KSR1: variants seen among roughly 807,000 people sequenced by gnomAD.
KSR1 encodes kinase suppressor of ras 1, also known as kinase suppressor of ras.
In KSR1, 35 loss-of-function variants were observed where a neutral mutation model predicts 92.9. That is an observed-to-expected ratio of 0.38 (90% CI 0.29 to 0.50). The LOEUF is 0.50. Ranked by LOEUF, KSR1 falls within the 20% of genes least tolerant of loss-of-function variation. KSR1 has a pLI of 0.94. For synonymous variants in KSR1, 467 were observed against 472.6 expected, an observed-to-expected ratio of 0.99 and a Z score of 0.15; for missense variants, 972 against 1,158.5, an observed-to-expected ratio of 0.84 and a Z score of 2.34.
At chr17:27,596,862 G>A (rs908458943) in intron 9 of KSR1, among the ~76,000 whole-genome samples, 5 of 152,166 alleles carry the variant, frequency 3.3e-5, no homozygotes, top group Non-Finnish European at 7.3e-5. Context: ...AGTATGTGAC[G>A]GTCACCCTGG....
intron 1 of KSR1, among the ~76,000 whole-genome samples, chr17:27,471,222 TTTTAGGCACTGA>T: frequency 6.6e-6 from 1 of 152,108 alleles, no homozygotes; most frequent in Non-Finnish European, 1.5e-5. Flanking sequence ...TTAGGCACTG[TTTTAGGCACTGA>T]GGAAGGAGCA....
In KSR1 at chr17:27,460,376, C is replaced by G. The variant is rs2019376105; in HGVS notation, c.231+3502C>G. Among the ~76,000 whole-genome samples the G allele has an allele frequency of 2.0e-5, 3 of 152,314 alleles. No individual in the cohort carries two copies. In the South Asian group the frequency reaches 6.2e-4, roughly 32 times the overall value. On this transcript the variant is annotated intron_variant, in intron 1 of 20. Transcript: ENST00000644974. The stretch of plus-strand genomic sequence containing the variant: ...TTTCCTGCCAGCCTACTAGTACTTT[C>G]CAGAGACAGGCTCTGCCATGCTGAG...
intron 5 of KSR1, among the ~76,000 whole-genome samples, chr17:27,586,692 A>AG: frequency 6.6e-6 from 1 of 152,334 alleles, no homozygotes; most frequent in Middle Eastern, 3.4e-3. Context: ...TTAGGCCTTC[A>AG]GGGCCAGTGT....
At chr17:27,579,452 A>C (rs1006205446) in intron 3 of KSR1, 1 of 152,240 alleles carries the variant, frequency 6.6e-6, no homozygotes, top group African/African-American at 2.4e-5. Context: ...GGTTGTTGTG[A>C]AAAGGAAATG....
At position 27,570,649 on chromosome 17, in the gene KSR1, T is replaced by A. The variant is rs553514299; in HGVS notation, c.373-6843T>A. ...CTTTGTGGAGAGGGAGGCAGGGACC[T>A]GGGCACAGGAGAGGACGTCTCCTGG... On this transcript the variant is annotated intron_variant, in intron 2 of 20. Coordinates refer to ENST00000644974, the MANE Select transcript of KSR1 (RefSeq NM_001394583.1). Among the ~76,000 whole-genome samples, 120 of 152,300 alleles carry A rather than the reference T, an allele frequency of 7.9e-4. 1 individual carries two copies. Among genetic ancestry groups the A allele is most frequent in the African/African-American group, 2.3e-3 (96 of 41,580 alleles).
intron 1 of KSR1, among the ~76,000 whole-genome samples, chr17:27,463,399 T>G (rs577347365): frequency 6.6e-6 from 1 of 151,150 alleles, no homozygotes; most frequent in African/African-American, 2.4e-5. Flanking sequence ...TTCTAGCTAC[T>G]CAGGAGGCTG....
chr17:27,461,893 G>A (rs183074889), intron 1 of KSR1, among the ~76,000 whole-genome samples: 205 of 65,478 alleles, frequency 3.1e-3, no homozygotes, highest in Non-Finnish European at 6.5e-3. Flanking sequence ...TGGACCATGC[G>A]GAGACGCTGG....
At chr17:27,558,874 G>A (rs1244763929) in intron 2 of KSR1, among the ~76,000 whole-genome samples, 1 of 152,092 alleles carries the variant, frequency 6.6e-6, no homozygotes, top group East Asian at 1.9e-4. Context: ...GGTGGGATTT[G>A]TCCCTTCAGT....
intron 9 of KSR1, among the ~76,000 whole-genome samples, chr17:27,593,303 G>A (rs758978979): frequency 9.2e-5 from 14 of 152,258 alleles, no homozygotes; most frequent in Non-Finnish European, 1.5e-4. Context: ...CATCTGGGAG[G>A]TGCCAGTGCT....
chr17:27,606,443 C>T (rs1598136179), intron 14 of KSR1, among the ~76,000 whole-genome samples: 1 of 152,282 alleles, frequency 6.6e-6, no homozygotes, highest in East Asian at 1.9e-4. Context: ...ACTGTTTATT[C>T]CTTTTTGTAA....
chr17:27,594,406 C>T (rs892031750), intron 9 of KSR1, among the ~76,000 whole-genome samples: 1 of 152,170 alleles, frequency 6.6e-6, no homozygotes, highest in South Asian at 2.1e-4. Flanking sequence ...AAGCACACCC[C>T]CCATGCCTGT....
intron 1 of KSR1, among the ~76,000 whole-genome samples, chr17:27,495,896 A>G (rs1173544945): frequency 2.0e-5 from 3 of 152,174 alleles, no homozygotes; most frequent in African/African-American, 7.2e-5. Context: ...TGTTGCCCCT[A>G]GGCTCTCAGA....
chr17:27,479,543 G>A (rs2068452130), intron 1 of KSR1, among the ~76,000 whole-genome samples: 1 of 152,096 alleles, frequency 6.6e-6, no homozygotes, highest in South Asian at 2.1e-4. Context: ...GACAGGGATG[G>A]GCTGCTCTGA....
At chr17:27,498,504 A>G (rs928725733) in intron 1 of KSR1, among the ~76,000 whole-genome samples, 4 of 152,202 alleles carry the variant, frequency 2.6e-5, no homozygotes, top group African/African-American at 9.7e-5. Flanking sequence ...CACTTTCCGG[A>G]CAGTCCAGTG....
At chr17:27,622,544 C>A (rs2074254822) in intron 20 of KSR1, 1 of 152,566 alleles carries the variant, frequency 6.6e-6, no homozygotes, top group South Asian at 2.1e-4. Context: ...AGTTCTGTGG[C>A]CATGAAAGAT....
intron 1 of KSR1, among the ~76,000 whole-genome samples, chr17:27,521,484 C>T (rs2070031742): frequency 6.6e-6 from 1 of 152,030 alleles, no homozygotes; most frequent in African/African-American, 2.4e-5. Context: ...GCTCCATTGC[C>T]CACGTTGGAG....
chr17:27,619,017 G>C (rs2074142143), intron 19 of KSR1, among the ~76,000 whole-genome samples: 1 of 152,048 alleles, frequency 6.6e-6, no homozygotes, highest in Non-Finnish European at 1.5e-5. Flanking sequence ...TTAAGGAAAA[G>C]GACACTTTCT....
chr17:27,481,965 C>T (rs2068525250), intron 1 of KSR1, among the ~76,000 whole-genome samples: 1 of 152,170 alleles, frequency 6.6e-6, no homozygotes, highest in African/African-American at 2.4e-5. Context: ...ATTGATTGGA[C>T]TCTGTATGTT....
In KSR1 at chr17:27,461,265, G is replaced by C. The variant is rs149283892; in HGVS notation, c.231+4391G>C. Among the ~76,000 whole-genome samples the C allele has an allele frequency of 3.7e-3, 556 of 152,248 alleles. 4 individuals carry two copies. Among genetic ancestry groups the C allele is most frequent in the African/African-American group, 0.013 (542 of 41,532 alleles). On this transcript the variant is annotated intron_variant, in intron 1 of 20. Transcript: ENST00000644974. ...CCAGCTAATTTTCGTGTTTTTAGTAGAGATAGGGTTTTGCCGTGTTGGCCA... is the reference window on the plus strand; with the variant it reads ...CCAGCTAATTTTCGTGTTTTTAGTACAGATAGGGTTTTGCCGTGTTGGCCA...
Sources: gnomAD v4.1 joint callset for allele counts (sites outside exome capture counted in the v4.1 genomes callset) on GRCh38, gnomAD v4.1.1 for gene constraint, MANE v1.5 for transcripts, NCBI Gene and HGNC (gene_info 2026-07-23, HGNC 2026-07-21) for gene names.